Variants in SLC1A3 observed in about 807,000 individuals in gnomAD.
SLC1A3 encodes solute carrier family 1 member 3.
In SLC1A3, 21 loss-of-function variants were observed where a neutral mutation model predicts 48.1. The observed-to-expected ratio is 0.44, with a 90% CI of 0.31 to 0.63. The LOEUF (loss-of-function observed/expected upper bound fraction) is 0.63. Among genes scored for constraint, SLC1A3 ranks in the 20% least tolerant of loss-of-function variants. The probability of loss-of-function intolerance (pLI) is 0.08; values close to 1 mark genes in which losing one functional copy is unlikely to be tolerated. For missense variants in SLC1A3, 546 were observed against 689.0 expected (o/e 0.79, Z 2.32); for synonymous variants, 239 against 251.4 (o/e 0.95, Z 0.47).
At chr5:36,664,134 C>CTGT (rs1317903322) in intron 3 of SLC1A3, among the ~76,000 whole-genome samples, 1 of 152,034 alleles carries the variant, frequency 6.6e-6, no homozygotes, top group Admixed American at 6.6e-5. Flanking sequence ...CTTTTTGTTG[C>CTGT]TGTTGTTGTT....
chr5:36,608,766 G>T (rs1463244536), intron 2 of SLC1A3, 162 bp downstream of exon 2: 2 of 1,447,646 alleles, frequency 1.4e-6, no homozygotes, highest in Admixed American at 2.8e-5. Context: ...GACTGTTTTG[G>T]CTTGTTTGGA....
Position 36,686,054 on chromosome 5 carries a change from C to A in SLC1A3, c.1425-11C>A, listed in dbSNP as rs571463459. 3 of 1,613,354 alleles carry A rather than the reference C, an allele frequency of 1.9e-6. No individual in the cohort carries two copies. Among genetic ancestry groups the A allele is most frequent in the South Asian group, 2.2e-5 (2 of 91,048 alleles). ...AGCCTCGTTTTTCCCTCCTCCCCAC[C>A]CTGCCTGCAGGGATCGCCTCCGGAC... is the stretch of plus-strand genomic sequence containing the variant. On this transcript the variant is annotated splice_polypyrimidine_tract_variant and intron_variant, in intron 9 of 9. Coordinates refer to ENST00000265113, the MANE Select transcript of SLC1A3 (RefSeq NM_004172.5).
rs1163550863 is a variant in SLC1A3, at chr5:36,688,261, T to G, written c.*1992T>G. Reference sequence around the variant, plus strand: ...AGCCATCACAGGCTCTGCATACACATGCACTCAGTGTGGACTGGGAAGCAT... The same window carrying G: ...AGCCATCACAGGCTCTGCATACACAGGCACTCAGTGTGGACTGGGAAGCAT... On this transcript the variant is annotated 3_prime_UTR_variant, in exon 10 of 10. Transcript: ENST00000265113. 6.6e-6 allele frequency: 1 copy of G among 152,236 alleles called. No homozygotes were observed. Among genetic ancestry groups the G allele is most frequent in the East Asian group, 1.9e-4 (1 of 5,204 alleles). 9.4% of individuals were successfully genotyped at this position (152,236 alleles called of 1,614,324 possible).
At chr5:36,653,317 T>C (rs1741159843) in intron 3 of SLC1A3, among the ~76,000 whole-genome samples, 1 of 152,228 alleles carries the variant, frequency 6.6e-6, no homozygotes, top group African/African-American at 2.4e-5. Flanking sequence ...GGTTATTTCA[T>C]GTCAGATAAT....
chr5:36,665,626 C>G (rs1228259311), intron 3 of SLC1A3, among the ~76,000 whole-genome samples: 5 of 152,198 alleles, frequency 3.3e-5, no homozygotes, highest in African/African-American at 1.2e-4. Context: ...ACGTGCTGAA[C>G]ACTACTTTAA....
intron 3 of SLC1A3, among the ~76,000 whole-genome samples, chr5:36,639,761 G>A (rs1038717127): frequency 2.6e-5 from 4 of 152,220 alleles, no homozygotes; most frequent in Non-Finnish European, 4.4e-5. Context: ...GGTGGTGCAT[G>A]AATGCTTACT....
At chr5:36,611,686 C>T (rs1739204739) in intron 2 of SLC1A3, among the ~76,000 whole-genome samples, 1 of 152,086 alleles carries the variant, frequency 6.6e-6, no homozygotes, top group Admixed American at 6.5e-5. Flanking sequence ...TAATGGTCTG[C>T]CAGGGCTGTT....
At chr5:36,670,681 G>T (rs943742939) in intron 3 of SLC1A3, 3 of 383,182 alleles carry the variant, frequency 7.8e-6, no homozygotes, top group African/African-American at 6.2e-5. Flanking sequence ...ACTCACACAC[G>T]CACTACTCAC....
intron 1 of SLC1A3, among the ~76,000 whole-genome samples, chr5:36,600,826 G>A (rs138488098): frequency 7.2e-5 from 11 of 152,278 alleles, no homozygotes; most frequent in South Asian, 2.1e-4. Flanking sequence ...ATGTTTTAAC[G>A]CTTAAACTAA....
upstream of SLC1A3, among the ~76,000 whole-genome samples, chr5:36,604,531 C>T (rs1362265953): frequency 6.6e-6 from 1 of 152,158 alleles, no homozygotes; most frequent in Non-Finnish European, 1.5e-5. Context: ...GAACTCTGAA[C>T]TGAGACTCTT....
intron 3 of SLC1A3, among the ~76,000 whole-genome samples, chr5:36,635,495 G>A (rs1740304263): frequency 6.6e-6 from 1 of 152,202 alleles, no homozygotes; most frequent in African/African-American, 2.4e-5. Context: ...TCCTATTAAG[G>A]TAAATTGAAG....
chr5:36,666,327 G>T (rs536663555), intron 3 of SLC1A3: 1 of 152,290 alleles, frequency 6.6e-6, no homozygotes, highest in South Asian at 2.1e-4. Flanking sequence ...AATTCTAGGA[G>T]GGTTGAGAAC....
upstream of SLC1A3, among the ~76,000 whole-genome samples, chr5:36,603,931 A>G (rs987092664): frequency 1.3e-5 from 2 of 152,250 alleles, no homozygotes; most frequent in Non-Finnish European, 1.5e-5. Flanking sequence ...AAAAAATCCA[A>G]TTAACCAAAA....
At chr5:36,683,736 T>G (rs1409363055) in intron 8 of SLC1A3, 128 bp from the exon 9 acceptor site, 15 of 1,026,806 alleles carry the variant, frequency 1.5e-5, no homozygotes, top group Non-Finnish European at 2.2e-5. Context: ...ATTTACGTTT[T>G]TTCTGAAGCG....
Position 36,686,120 on chromosome 5 carries a change from G to A in SLC1A3, c.1480G>A (p.Val494Met). The change falls in exon 10 of 10, where the codon GTG (valine) becomes ATG (methionine). Residue 494 changes from valine (V) to methionine (M), a missense_variant. Val to Met is a conservative substitution (Grantham distance 21). This residue lies in a region of SLC1A3 where 56 missense variants were observed against 59.0 expected (regional missense o/e 0.95). Coordinates refer to ENST00000265113, the MANE Select transcript of SLC1A3 (RefSeq NM_004172.5). ...VLGDSLGAGI[V>M]EHLSRHELKN... ...GGGAGACTCCCTGGGAGCTGGGATTGTGGAGCACTTGTCACGACATGAACT... is the reference window on the plus strand; with the variant it reads ...GGGAGACTCCCTGGGAGCTGGGATTATGGAGCACTTGTCACGACATGAACT... 6.2e-7 allele frequency: 1 copy of A among 1,614,214 alleles called. No homozygotes were observed. Among genetic ancestry groups the A allele is most frequent in the Non-Finnish European group, 8.5e-7 (1 of 1,180,032 alleles).
At chr5:36,627,922 TA>T (rs1027999521) in intron 2 of SLC1A3, among the ~76,000 whole-genome samples, 2 of 152,306 alleles carry the variant, frequency 1.3e-5, no homozygotes, top group Non-Finnish European at 2.9e-5. Flanking sequence ...AAGTTAGTGG[TA>T]AAATAGTACC....
intron 3 of SLC1A3, among the ~76,000 whole-genome samples, chr5:36,642,697 C>T (rs561931447): frequency 2.0e-5 from 3 of 152,230 alleles, no homozygotes; most frequent in African/African-American, 7.2e-5. Flanking sequence ...AGCCTGCATT[C>T]GTTGGCCATC....
intron 2 of SLC1A3, among the ~76,000 whole-genome samples, chr5:36,612,576 G>A (rs917577115): frequency 5.3e-5 from 8 of 150,136 alleles, no homozygotes; most frequent in Non-Finnish European, 5.9e-5. Flanking sequence ...ATGACAGAGC[G>A]AGACCCTGTC....
chr5:36,607,533 TC>T (rs1281227894), intron 1 of SLC1A3, among the ~76,000 whole-genome samples: 1 of 152,158 alleles, frequency 6.6e-6, no homozygotes, highest in Non-Finnish European at 1.5e-5. Context: ...GTTCTAGAAA[TC>T]CTAAATTTTA....
Sources: allele counts gnomAD v4.1 joint callset (sites outside exome capture counted in the v4.1 genomes callset), GRCh38; gene constraint gnomAD v4.1.1; regional missense constraint gnomAD v4.1.1; transcripts MANE v1.5; gene names NCBI Gene and HGNC (gene_info 2026-07-23, HGNC 2026-07-21).